SKI: variants seen among roughly 807,000 people sequenced by gnomAD.
The protein encoded by SKI is ski oncogene.
A neutral mutation model predicts 59.3 loss-of-function variants in SKI; 23 were observed. The observed-to-expected ratio is 0.39, with a 90% CI of 0.28 to 0.55. SKI has a LOEUF of 0.55. Among genes scored for constraint, SKI ranks in the 20% least tolerant of loss-of-function variants. The pLI is 0.67. For synonymous variants in SKI, 673 were observed against 488.6 expected, an observed-to-expected ratio of 1.38 and a Z score of -4.98; for missense variants, 1,017 against 1,038.9, an observed-to-expected ratio of 0.98 and a Z score of 0.29.
At chr1:2,262,073 G>A (rs370540949) in intron 1 of SKI, among the ~76,000 whole-genome samples, 15 of 112,774 alleles carry the variant, frequency 1.3e-4, no homozygotes, top group South Asian at 8.4e-4. Flanking sequence ...CAGAGTTTGG[G>A]TGGGAGTGGT....
chr1:2,250,886 C>T (rs554726275), intron 1 of SKI, among the ~76,000 whole-genome samples: 23 of 152,272 alleles, frequency 1.5e-4, no homozygotes, highest in Non-Finnish European at 3.2e-4. Flanking sequence ...AGCGGCAGCC[C>T]CGGGGGGCCG....
intron 1 of SKI, among the ~76,000 whole-genome samples, chr1:2,271,532 CGGCTGCCCTCGGCAGG>C (rs1203551354): frequency 2.6e-5 from 4 of 152,152 alleles, no homozygotes; most frequent in Admixed American, 6.5e-5. Context: ...GCGGAGTGCC[CGGCTGCCCTCGGCAGG>C]GGCTTTGTGT....
At chr1:2,279,694 G>C (rs1639830111) in intron 1 of SKI, among the ~76,000 whole-genome samples, 1 of 152,198 alleles carries the variant, frequency 6.6e-6, no homozygotes, top group African/African-American at 2.4e-5. Flanking sequence ...CAGCCCCACA[G>C]ACAGAACAGT....
At chr1:2,302,102 C>T (rs1569855631) in intron 1 of SKI, among the ~76,000 whole-genome samples, 1 of 152,216 alleles carries the variant, frequency 6.6e-6, no homozygotes, top group Admixed American at 6.5e-5. Flanking sequence ...CCGGCTCAGG[C>T]CCCCAGCACA....
chr1:2,305,599 C>T (rs1219712751), intron 5 of SKI, among the ~76,000 whole-genome samples: 2 of 152,106 alleles, frequency 1.3e-5, no homozygotes, highest in Non-Finnish European at 2.9e-5. Context: ...CTTGCGGAGG[C>T]GCCGGGCGGA....
Position 2,240,633 on chromosome 1 carries a change from A to G in SKI, c.969+10898A>G, listed in dbSNP as rs189644442. On this transcript the variant is annotated intron_variant, in intron 1 of 6. Transcript: ENST00000378536. Reference sequence around the variant, plus strand: ...GTTCTCTTTAGCCCGAAGTAACCATACAGCATTAACAAGAAAACTTGGAAT... The same window carrying G: ...GTTCTCTTTAGCCCGAAGTAACCATGCAGCATTAACAAGAAAACTTGGAAT... 4.1e-6 allele frequency: 4 copies of G among 985,474 alleles called. No individual in the cohort carries two copies. The South Asian group carries it at 1.4e-4, about 35-fold the overall frequency. The allele number at this position is 985,474 out of a possible 1,614,324, so 61.0% of individuals were successfully genotyped here. A position where few individuals can be genotyped will look rare whatever the true frequency, so the allele number is the denominator to read the frequency against.
intron 1 of SKI, among the ~76,000 whole-genome samples, chr1:2,232,926 CCT>C (rs1052362293): frequency 1.5e-4 from 23 of 152,214 alleles, no homozygotes; most frequent in Non-Finnish European, 1.0e-4. Context: ...CACTCCCACC[CCT>C]CTTTCTTCTT....
chr1:2,247,096 C>T (rs755128021), intron 1 of SKI, among the ~76,000 whole-genome samples: 1 of 152,176 alleles, frequency 6.6e-6, no homozygotes, highest in Non-Finnish European at 1.5e-5. Flanking sequence ...TGGCATGCAC[C>T]TGGTCCCAGC....
In SKI at chr1:2,229,157, C is replaced by G; in HGVS notation, c.391C>G (p.Leu131Val). 1 of 1,611,956 alleles carries G rather than the reference C, an allele frequency of 6.2e-7. No homozygotes were observed. The highest frequency in any genetic ancestry group is 8.5e-7 in the Non-Finnish European group (1 of 1,179,822). ...TCTGCCGCAGATTCTCAACTCGGTG[C>G]TGCGCGACTTCTCGCTGCAGCAGAT... ...LCLPQILNSV[L>V]RDFSLQQINA... The change falls in exon 1 of 7, where the codon CTG (leucine) becomes GTG (valine). Residue 131 changes from leucine to valine, a missense_variant. Coordinates refer to ENST00000378536, the MANE Select transcript of SKI (RefSeq NM_003036.4). This position sits in a 1 kb window ranked among gnomAD's most constrained non-coding sequence, Gnocchi z 6.3.
At chr1:2,289,094 G>C (rs1424030015) in intron 1 of SKI, among the ~76,000 whole-genome samples, 1 of 152,206 alleles carries the variant, frequency 6.6e-6, no homozygotes, top group Non-Finnish European at 1.5e-5. Flanking sequence ...TGTTCTGCAG[G>C]AGACCTGGTG....
intron 1 of SKI, among the ~76,000 whole-genome samples, chr1:2,283,982 G>A (rs867509544): frequency 6.6e-6 from 1 of 152,174 alleles, no homozygotes; most frequent in African/African-American, 2.4e-5. Context: ...CTGTCTGCCC[G>A]CAGCTAGTGC....
At chr1:2,274,090 C>T (rs1183733359) in intron 1 of SKI, among the ~76,000 whole-genome samples, 1 of 151,288 alleles carries the variant, frequency 6.6e-6, no homozygotes, top group Non-Finnish European at 1.5e-5. Flanking sequence ...GTTGGGTGAG[C>T]GCTCACACAG....
At position 2,270,822 on chromosome 1, in the gene SKI, C is replaced by A. The variant is rs1237900288; in HGVS notation, c.970-32156C>A. On this transcript the variant is annotated intron_variant, in intron 1 of 6. Coordinates refer to ENST00000378536, the MANE Select transcript of SKI (RefSeq NM_003036.4). The surrounding 1 kb of genome is among the most constrained non-coding windows in gnomAD (Gnocchi z 4.1). ...CCTTGCTGTCCCTTTGCTGGACTCTCCAGAGGACCAGCATGGAGGTGCACA... is the reference window on the plus strand; with the variant it reads ...CCTTGCTGTCCCTTTGCTGGACTCTACAGAGGACCAGCATGGAGGTGCACA... 6.6e-6 allele frequency among the ~76,000 whole-genome samples: 1 copy of A among 152,332 alleles called. No individual in the cohort carries two copies. Among genetic ancestry groups the A allele is most frequent in the Admixed American group, 6.5e-5 (1 of 15,306 alleles).
At chr1:2,237,900 G>C (rs367678660) in intron 1 of SKI, among the ~76,000 whole-genome samples, 1 of 152,200 alleles carries the variant, frequency 6.6e-6, no homozygotes, top group Non-Finnish European at 1.5e-5. Context: ...TCTGAGGTTG[G>C]CCCATTTGAC....
intron 4 of SKI, 85 bp downstream of exon 4, chr1:2,304,187 TTGG>T (rs1328659225): frequency 4.3e-5 from 68 of 1,579,704 alleles, no homozygotes; most frequent in Non-Finnish European, 5.3e-5. Flanking sequence ...CGGGGGTGCG[TTGG>T]TGGCCCCATG....
chr1:2,229,234 C>T lies in SKI; in HGVS notation c.468C>T (p.Asp156=), dbSNP rs777792553. 4 of 1,605,862 alleles carry T rather than the reference C, an allele frequency of 2.5e-6. No individual in the cohort carries two copies. The African/African-American group carries it at 4.0e-5, about 16-fold the overall frequency. Reference sequence around the variant, plus strand: ...TCTACTGCTCGCGCTGCACGGCCGACCAGCTGGAGATCCTCAAAGTCATGG... The same window carrying T: ...TCTACTGCTCGCGCTGCACGGCCGATCAGCTGGAGATCCTCAAAGTCATGG... ...LHIYCSRCTA[D]QLEILKVMGI... Residue 156 remains aspartate, a synonymous_variant, in exon 1 of 7, where the codon GAC becomes GAT. Coordinates refer to ENST00000378536, the MANE Select transcript of SKI (RefSeq NM_003036.4). The surrounding 1 kb of genome is among the most constrained non-coding windows in gnomAD (Gnocchi z 6.3).
chr1:2,304,209 G>T (rs1166250084), intron 4 of SKI, 84 bp from the exon 5 acceptor site: 14 of 1,563,198 alleles, frequency 9.0e-6, no homozygotes, highest in Non-Finnish European at 1.2e-5. Context: ...TGTTTCGCAG[G>T]TTCCTCCGGG....
In SKI at chr1:2,304,399, T is replaced by C; in HGVS notation, c.1581T>C (p.Asp527=). The C allele has an allele frequency of 6.4e-7, 1 of 1,552,894 alleles. No individual in the cohort carries two copies. The highest frequency in any genetic ancestry group is 8.7e-7 in the Non-Finnish European group (1 of 1,148,246). Residue 527 remains aspartate (D), a synonymous_variant, in exon 5 of 7, where the codon GAT becomes GAC. Coordinates refer to ENST00000378536, the MANE Select transcript of SKI (RefSeq NM_003036.4). ...GTGCCCTGCCCTCGGCCGTCCCTGA[T>C]GCTGCGGCCCCTGCCGACGCCCCCA... ...GARALPSAVP[D]AAAPADAPSG... is the part of the protein sequence containing the mutation.
intron 1 of SKI, among the ~76,000 whole-genome samples, chr1:2,230,941 C>T (rs963624706): frequency 3.3e-5 from 5 of 152,044 alleles, no homozygotes; most frequent in East Asian, 1.9e-4. Context: ...CGCCTCTGCT[C>T]GGAGGGGGCT....
Sources: allele counts gnomAD v4.1 joint callset (sites outside exome capture counted in the v4.1 genomes callset), GRCh38; gene constraint gnomAD v4.1.1; non-coding constraint Gnocchi (gnomAD v3.1); transcripts MANE v1.5; gene names NCBI Gene and HGNC (gene_info 2026-07-23, HGNC 2026-07-21).